SPIDR: variants seen among roughly 807,000 people sequenced by gnomAD.
The protein encoded by SPIDR is DNA repair-scaffolding protein.
Under a neutral mutation model 104.6 loss-of-function variants are expected in SPIDR, and 93 were observed. The observed-to-expected ratio is 0.89, with a 90% CI of 0.75 to 1.06. The LOEUF (loss-of-function observed/expected upper bound fraction) is 1.06. SPIDR is among the 50% of genes least tolerant of loss of function. The probability of loss-of-function intolerance (pLI) is 0.00; values close to 1 mark genes in which losing one functional copy is unlikely to be tolerated. For synonymous variants in SPIDR, 431 were observed against 416.9 expected (o/e 1.03, Z -0.41); for missense variants, 1,154 against 1,111.2 (o/e 1.04, Z -0.55).
At chr8:47,314,930 A>G (rs186426260) in intron 5 of SPIDR, among the ~76,000 whole-genome samples, 15 of 152,328 alleles carry the variant, frequency 9.8e-5, no homozygotes, top group Admixed American at 9.8e-4. Context: ...AGATAGATTG[A>G]AAGTAAATGT....
chr8:47,549,775 C>T (rs1049001913), intron 8 of SPIDR, among the ~76,000 whole-genome samples: 8 of 152,092 alleles, frequency 5.3e-5, no homozygotes, highest in African/African-American at 9.7e-5. Flanking sequence ...TTTAATTAGA[C>T]CCCATTTGTC....
At chr8:47,360,751 A>G in intron 5 of SPIDR, 2 of 789,954 alleles carry the variant, frequency 2.5e-6, no homozygotes, top group Non-Finnish European at 1.5e-6. Context: ...AAAACAAAAC[A>G]AAACAAAAAA....
intron 10 of SPIDR, among the ~76,000 whole-genome samples, chr8:47,636,632 G>A (rs995086164): frequency 2.6e-5 from 4 of 151,910 alleles, no homozygotes; most frequent in African/African-American, 9.7e-5. Context: ...ACCAGCCTGG[G>A]CAACATAGTG....
At chr8:47,300,148 A>G (rs1336725676) in intron 5 of SPIDR, among the ~76,000 whole-genome samples, 1 of 152,200 alleles carries the variant, frequency 6.6e-6, no homozygotes, top group Admixed American at 6.5e-5. Flanking sequence ...TGGTCCATTC[A>G]GAGATTCAGC....
At chr8:47,540,044 T>A (rs1348848579) in intron 8 of SPIDR, among the ~76,000 whole-genome samples, 1 of 152,202 alleles carries the variant, frequency 6.6e-6, no homozygotes, top group East Asian at 1.9e-4. Context: ...TTGACTGTAT[T>A]ATTCCCCCAC....
At chr8:47,647,543 C>T (rs962872539) in intron 10 of SPIDR, among the ~76,000 whole-genome samples, 4 of 149,668 alleles carry the variant, frequency 2.7e-5, no homozygotes, top group Admixed American at 1.3e-4. Flanking sequence ...TGAACTCAGG[C>T]GGCGGAGGTT....
chr8:47,573,788 A>C (rs1487463069), intron 8 of SPIDR, among the ~76,000 whole-genome samples: 1 of 152,112 alleles, frequency 6.6e-6, no homozygotes, highest in African/African-American at 2.4e-5. Context: ...GTTGAATCTC[A>C]CCTTAGGGTA....
At chr8:47,539,761 AC>A (rs1419146427) in intron 8 of SPIDR, among the ~76,000 whole-genome samples, 1 of 150,988 alleles carries the variant, frequency 6.6e-6, no homozygotes, top group Non-Finnish European at 1.5e-5. Context: ...AAAAAAAAAA[AC>A]CCTTTTCCCA....
rs1230553158 is a variant in SPIDR at position 47,712,669 on chromosome 8, G to A, written c.1985G>A (p.Ser662Asn). The A allele has an allele frequency of 2.5e-6, 4 of 1,613,796 alleles. No homozygotes were observed. The highest frequency in any genetic ancestry group is 3.4e-6 in the Non-Finnish European group (4 of 1,179,924). ...TVIYQKPQLK[S>N]LLLLEQREIW... ...TGTGTCTTCAAATTGTAGCTGAAGA[G>A]TCTGCTGCTTCTGGAGCAAAGGGAG... The change falls in exon 15 of 20, where the codon AGT becomes AAT. Residue 662 changes from serine to asparagine, a missense_variant. Transcript: ENST00000297423.
At chr8:47,293,783 A>G in intron 4 of SPIDR, 84 bp from the exon 5 acceptor site, 1 of 1,354,298 alleles carries the variant, frequency 7.4e-7, no homozygotes, top group Non-Finnish European at 1.0e-6. Context: ...AGTGACATGG[A>G]TATATTAACT....
intron 5 of SPIDR, among the ~76,000 whole-genome samples, chr8:47,370,527 A>G (rs1054402357): frequency 6.8e-6 from 1 of 147,596 alleles, no homozygotes; most frequent in Admixed American, 6.8e-5. Context: ...GCTCACTGCA[A>G]CCTCTGCCTC....
intron 14 of SPIDR, among the ~76,000 whole-genome samples, chr8:47,704,075 AC>A (rs2080724638): frequency 6.6e-6 from 1 of 152,234 alleles, no homozygotes; most frequent in South Asian, 2.1e-4. Context: ...TATGTTAGTA[AC>A]TGTCAATTGC....
At chr8:47,644,123 G>A (rs1042346691) in intron 10 of SPIDR, among the ~76,000 whole-genome samples, 5 of 152,082 alleles carry the variant, frequency 3.3e-5, no homozygotes, top group Admixed American at 2.0e-4. Flanking sequence ...GTGGCTGGTC[G>A]TTAGCAGTCA....
intron 16 of SPIDR, among the ~76,000 whole-genome samples, chr8:47,723,003 C>A (rs1473503218): frequency 6.6e-6 from 1 of 151,868 alleles, no homozygotes; most frequent in Admixed American, 6.6e-5. Context: ...ACCACCATGC[C>A]CAGTTAATTT....
intron 10 of SPIDR, among the ~76,000 whole-genome samples, chr8:47,652,367 C>T (rs977302101): frequency 4.6e-5 from 7 of 152,128 alleles, no homozygotes; most frequent in South Asian, 2.1e-4. Flanking sequence ...TCCTAGAGGC[C>T]GTGTTTTGCT....
chr8:47,404,351 G>A (rs1380211812), intron 6 of SPIDR, among the ~76,000 whole-genome samples: 4 of 152,128 alleles, frequency 2.6e-5, no homozygotes, highest in Non-Finnish European at 5.9e-5. Context: ...TTGACAAGTG[G>A]GATCTAATTA....
chr8:47,433,490 G>GT (rs2067719390), intron 7 of SPIDR, among the ~76,000 whole-genome samples: 1 of 188 alleles, frequency 5.3e-3, no homozygotes, highest in African/African-American at 0.031. Flanking sequence ...ACCACATTTA[G>GT]TCTAGGCAGA....
intron 8 of SPIDR, among the ~76,000 whole-genome samples, chr8:47,554,752 A>C (rs978080950): frequency 1.3e-5 from 2 of 152,088 alleles, no homozygotes; most frequent in Non-Finnish European, 1.5e-5. Flanking sequence ...GGCTGCACCC[A>C]CTGTCCGACA....
chr8:47,504,598 G>A (rs1159240641), intron 8 of SPIDR, among the ~76,000 whole-genome samples: 3 of 152,078 alleles, frequency 2.0e-5, no homozygotes, highest in African/African-American at 7.2e-5. Context: ...CTTTAGCTCG[G>A]AGTAGTTTGA....
Sources: allele counts gnomAD v4.1 joint callset (sites outside exome capture counted in the v4.1 genomes callset), GRCh38; gene constraint gnomAD v4.1.1; transcripts MANE v1.5; gene names NCBI Gene and HGNC (gene_info 2026-07-23, HGNC 2026-07-21).